SH3RF3: variants seen among roughly 807,000 people sequenced by gnomAD.
The protein encoded by SH3RF3 is E3 ubiquitin-protein ligase SH3RF3.
A neutral mutation model predicts 66.3 loss-of-function variants in SH3RF3; 29 were observed. That is an observed-to-expected ratio of 0.44 (90% CI 0.33 to 0.60). The LOEUF (loss-of-function observed/expected upper bound fraction) is 0.60, where lower values mean the gene tolerates loss of function less well. Among genes scored for constraint, SH3RF3 ranks in the 20% least tolerant of loss-of-function variants. The pLI, the probability that SH3RF3 is intolerant of heterozygous loss-of-function variation, is 0.04. For missense variants in SH3RF3, 1,194 were observed against 1,190.9 expected, an observed-to-expected ratio of 1.00 and a Z score of -0.04; for synonymous variants, 583 against 532.0, an observed-to-expected ratio of 1.10 and a Z score of -1.32.
intron 8 of SH3RF3, among the ~76,000 whole-genome samples, chr2:109,455,502 T>A (rs1459360300): frequency 6.7e-6 from 1 of 148,286 alleles, no homozygotes; most frequent in Non-Finnish European, 1.5e-5. Context: ...CCATTAAATA[T>A]ATGTATATCT....
intron 3 of SH3RF3, among the ~76,000 whole-genome samples, chr2:109,374,280 A>G (rs1481939857): frequency 1.3e-5 from 2 of 152,232 alleles, no homozygotes; most frequent in Non-Finnish European, 1.5e-5. Flanking sequence ...ATGGCTGCCC[A>G]TGCAGTACTG....
chr2:109,432,954 C>G (rs983884508), intron 6 of SH3RF3, among the ~76,000 whole-genome samples: 2 of 152,250 alleles, frequency 1.3e-5, no homozygotes, highest in African/African-American at 2.4e-5. Context: ...AATGAGGTCT[C>G]AAGTGTGAAT....
chr2:109,414,130 G>T (rs1676664629), intron 4 of SH3RF3, among the ~76,000 whole-genome samples: 1 of 152,196 alleles, frequency 6.6e-6, no homozygotes, highest in Non-Finnish European at 1.5e-5. Flanking sequence ...CCTCTTCTGG[G>T]TGGTGTCCCG....
chr2:109,376,863 C>T (rs1254713008), intron 3 of SH3RF3, among the ~76,000 whole-genome samples: 1 of 152,234 alleles, frequency 6.6e-6, no homozygotes, highest in Non-Finnish European at 1.5e-5. Flanking sequence ...GGAAGAACCC[C>T]TTCCTTTGTT....
At chr2:109,393,705 C>G (rs749875508) in intron 3 of SH3RF3, among the ~76,000 whole-genome samples, 4 of 151,926 alleles carry the variant, frequency 2.6e-5, no homozygotes, top group Admixed American at 1.3e-4. Flanking sequence ...CAAGCCCTGT[C>G]GCTCAGTGCT....
At chr2:109,138,927 A>G (rs1196452339) in intron 1 of SH3RF3, among the ~76,000 whole-genome samples, 1 of 152,242 alleles carries the variant, frequency 6.6e-6, no homozygotes, top group African/African-American at 2.4e-5. Context: ...CTGACCATTC[A>G]GAGGACACTG....
intron 1 of SH3RF3, among the ~76,000 whole-genome samples, chr2:109,293,587 C>G (rs1343869572): frequency 1.3e-5 from 2 of 152,222 alleles, no homozygotes; most frequent in African/African-American, 2.4e-5. Flanking sequence ...CCATGCCAAC[C>G]TGGGAAGCCT....
intron 1 of SH3RF3, among the ~76,000 whole-genome samples, chr2:109,285,682 T>TG (rs532331530): frequency 5.6e-4 from 85 of 152,310 alleles, no homozygotes; most frequent in African/African-American, 2.0e-3. Flanking sequence ...AAAGTTCACT[T>TG]GGGGCTCATG....
intron 1 of SH3RF3, among the ~76,000 whole-genome samples, chr2:109,230,348 G>T (rs576758113): frequency 9.9e-5 from 15 of 152,164 alleles, no homozygotes; most frequent in African/African-American, 3.4e-4. Flanking sequence ...AGGCCAAGGT[G>T]GGGGGCTCTC....
intron 8 of SH3RF3, among the ~76,000 whole-genome samples, chr2:109,474,279 T>A (rs1349065987): frequency 6.6e-6 from 1 of 152,044 alleles, no homozygotes; most frequent in African/African-American, 2.4e-5. Context: ...GAGAAAGAGC[T>A]GAAGTTTTGA....
intron 1 of SH3RF3, among the ~76,000 whole-genome samples, chr2:109,306,030 G>T (rs188899102): frequency 6.6e-6 from 1 of 152,200 alleles, no homozygotes. Flanking sequence ...GGAGTGATTC[G>T]CTGCCTTCTG....
At chr2:109,390,870 G>A (rs563036777) in intron 3 of SH3RF3, among the ~76,000 whole-genome samples, 1 of 152,290 alleles carries the variant, frequency 6.6e-6, no homozygotes, top group South Asian at 2.1e-4. Flanking sequence ...GGCAGAGGGC[G>A]GCCCCTGAAT....
At chr2:109,148,265 G>A (rs532381791) in intron 1 of SH3RF3, among the ~76,000 whole-genome samples, 6 of 152,204 alleles carry the variant, frequency 3.9e-5, no homozygotes, top group African/African-American at 9.7e-5. Context: ...GATGGGCCCC[G>A]ATCATGCCAC....
At chr2:109,245,042 C>T (rs559510795) in intron 1 of SH3RF3, among the ~76,000 whole-genome samples, 11 of 152,202 alleles carry the variant, frequency 7.2e-5, no homozygotes, top group African/African-American at 2.4e-4. Context: ...AGTGTTTAGT[C>T]CTGTTGTCTG....
At chr2:109,452,810 G>GCTGGTGCTGGGAGC (rs1320810406) in intron 8 of SH3RF3, among the ~76,000 whole-genome samples, 2 of 150,932 alleles carry the variant, frequency 1.3e-5, no homozygotes, top group African/African-American at 4.9e-5. Context: ...GTGCTGGGAG[G>GCTGGTGCTGGGAGC]CTGGTTCTGG....
At chr2:109,292,402 T>C (rs1188068842) in intron 1 of SH3RF3, among the ~76,000 whole-genome samples, 1 of 152,240 alleles carries the variant, frequency 6.6e-6, no homozygotes, top group African/African-American at 2.4e-5. Context: ...TTTCACTTAA[T>C]GCTATGTTTA....
intron 1 of SH3RF3, among the ~76,000 whole-genome samples, chr2:109,318,055 T>A (rs1179209833): frequency 6.7e-6 from 1 of 149,156 alleles, no homozygotes; most frequent in Non-Finnish European, 1.5e-5. Flanking sequence ...TGATCCTTTC[T>A]CTCCTCTGTT....
intron 8 of SH3RF3, among the ~76,000 whole-genome samples, chr2:109,484,074 T>G (rs1411001721): frequency 6.6e-6 from 1 of 150,454 alleles, no homozygotes; most frequent in Non-Finnish European, 1.5e-5. Flanking sequence ...TTTCTTTTTT[T>G]TTTTTTTTTT....
chr2:109,236,463 G>A (rs1160668570), intron 1 of SH3RF3, among the ~76,000 whole-genome samples: 1 of 152,172 alleles, frequency 6.6e-6, no homozygotes, highest in Non-Finnish European at 1.5e-5. Flanking sequence ...GCTGTGAGCC[G>A]TGTTTTTTAG....
Sources: gnomAD v4.1 joint callset for allele counts (sites outside exome capture counted in the v4.1 genomes callset) on GRCh38, gnomAD v4.1.1 for gene constraint, MANE v1.5 for transcripts, NCBI Gene and HGNC (gene_info 2026-07-23, HGNC 2026-07-21) for gene names.